Variants in IGSF21 observed in about 807,000 individuals in gnomAD.
IGSF21 encodes immunoglobulin superfamily member 21.
Under a neutral mutation model 46.8 loss-of-function variants are expected in IGSF21, and 28 were observed. The ratio of observed to expected loss-of-function variants is 0.60; its 90% confidence interval spans 0.44 to 0.82. The LOEUF (loss-of-function observed/expected upper bound fraction) is 0.82, where lower values mean the gene tolerates loss of function less well. Ranked by LOEUF, IGSF21 falls within the 40% of genes least tolerant of loss-of-function variation. The pLI, the probability that IGSF21 is intolerant of heterozygous loss-of-function variation, is 0.00. For synonymous variants in IGSF21, 284 were observed against 273.6 expected, an observed-to-expected ratio of 1.04 and a Z score of -0.38; for missense variants, 624 against 665.5, an observed-to-expected ratio of 0.94 and a Z score of 0.69.
At chr1:18,202,136 AT>A in intron 1 of IGSF21, among the ~76,000 whole-genome samples, 1 of 152,278 alleles carries the variant, frequency 6.6e-6, no homozygotes, top group Non-Finnish European at 1.5e-5. Flanking sequence ...AGTACATAAG[AT>A]TTTTATCATG....
At chr1:18,373,826 G>T (rs1055328102) in intron 6 of IGSF21, among the ~76,000 whole-genome samples, 1 of 152,192 alleles carries the variant, frequency 6.6e-6, no homozygotes, top group Non-Finnish European at 1.5e-5. Flanking sequence ...AATGGGTTTC[G>T]TGATAACCTG....
intron 1 of IGSF21, among the ~76,000 whole-genome samples, chr1:18,136,288 T>C (rs2086367121): frequency 6.6e-6 from 1 of 152,190 alleles, no homozygotes; most frequent in Non-Finnish European, 1.5e-5. Context: ...CAATTTTGGC[T>C]TTTGTTGCCA....
chr1:18,117,833 T>G (rs887645095), intron 1 of IGSF21, among the ~76,000 whole-genome samples: 3 of 152,236 alleles, frequency 2.0e-5, no homozygotes, highest in Non-Finnish European at 4.4e-5. Context: ...TTATCTGCAC[T>G]GTCTCCTCTC....
Position 18,365,791 on chromosome 1 carries a change from G to A in IGSF21, c.1015+94G>A. 1 of 1,066,352 alleles carries A rather than the reference G, an allele frequency of 9.4e-7. No individual in the cohort carries two copies. The highest frequency in any genetic ancestry group is 2.7e-5 in the Admixed American group (1 of 37,724). 66.1% of individuals were successfully genotyped at this position (1,066,352 alleles called of 1,614,324 possible). On this transcript the variant is annotated intron_variant, in intron 6 of 9. Transcript: ENST00000251296. This position sits in a 1 kb window ranked among gnomAD's most constrained non-coding sequence, Gnocchi z 4.8. ...GGTTCCTGGGCTGAGGACAGCCATG[G>A]AAAGGGGGAGGAGATGGAGCAAACT... is the stretch of plus-strand genomic sequence containing the variant.
intron 4 of IGSF21, among the ~76,000 whole-genome samples, chr1:18,358,433 C>T (rs2086048108): frequency 6.6e-6 from 1 of 152,192 alleles, no homozygotes; most frequent in Non-Finnish European, 1.5e-5. Flanking sequence ...AAAATTAAGA[C>T]TTCTGTTTTA....
intron 4 of IGSF21, among the ~76,000 whole-genome samples, chr1:18,358,942 A>G (rs959279082): frequency 3.3e-5 from 5 of 152,114 alleles, no homozygotes; most frequent in African/African-American, 4.8e-5. Flanking sequence ...GGTAACTTAC[A>G]TGTGCCATCA....
intron 2 of IGSF21, among the ~76,000 whole-genome samples, chr1:18,264,304 C>T (rs1043473518): frequency 2.6e-5 from 4 of 152,150 alleles, no homozygotes; most frequent in African/African-American, 7.2e-5. Flanking sequence ...GCTTTCTGCC[C>T]GGCCCCCAAC....
rs377335003 is a variant in IGSF21 at position 18,362,344 on chromosome 1, C to G, written c.540+114C>G. 2.1e-4 allele frequency: 155 copies of G among 735,890 alleles called. 1 individual carries two copies. The highest frequency in any genetic ancestry group is 1.6e-3 in the East Asian group (61 of 36,972). 45.6% of individuals were successfully genotyped at this position (735,890 alleles called of 1,614,324 possible). On this transcript the variant is annotated intron_variant, in intron 5 of 9. Coordinates refer to ENST00000251296, the MANE Select transcript of IGSF21 (RefSeq NM_032880.5). ...CTGGAAAGGGAGTGGTTGGCCAGGGCTGACTCTGTCCCCATCTGCCTTGGT... is the reference window on the plus strand; with the variant it reads ...CTGGAAAGGGAGTGGTTGGCCAGGGGTGACTCTGTCCCCATCTGCCTTGGT...
intron 9 of IGSF21, among the ~76,000 whole-genome samples, chr1:18,377,966 C>T (rs1358424589): frequency 6.6e-6 from 1 of 152,218 alleles, no homozygotes; most frequent in Non-Finnish European, 1.5e-5. Flanking sequence ...AGGCCTGCCA[C>T]ACCCCCTCCC....
At chr1:18,316,854 C>G (rs2085547667) in intron 3 of IGSF21, among the ~76,000 whole-genome samples, 1 of 152,190 alleles carries the variant, frequency 6.6e-6, no homozygotes, top group African/African-American at 2.4e-5. Context: ...CTGGTACATA[C>G]CAAGTGCTGT....
intron 1 of IGSF21, among the ~76,000 whole-genome samples, chr1:18,181,034 A>G (rs2086852063): frequency 6.6e-6 from 1 of 152,142 alleles, no homozygotes; most frequent in African/African-American, 2.4e-5. Flanking sequence ...ACAGTCTGTG[A>G]TCCCTGCATC....
chr1:18,115,900 A>AGAAG (rs1456940491), intron 1 of IGSF21: 1 of 84,172 alleles, frequency 1.2e-5, no homozygotes, highest in African/African-American at 3.9e-5. Context: ...AAAGAAAGAA[A>AGAAG]GAAGGAGAGG....
chr1:18,365,708 G>A lies in IGSF21; in HGVS notation c.1015+11G>A, dbSNP rs111313837. The A allele has an allele frequency of 1.2e-5, 19 of 1,601,264 alleles. No individual in the cohort carries two copies. In the African/African-American group the frequency reaches 1.5e-4, roughly 12 times the overall value. On this transcript the variant is annotated intron_variant, in intron 6 of 9. Transcript: ENST00000251296. This position sits in a 1 kb window ranked among gnomAD's most constrained non-coding sequence, Gnocchi z 4.8. ...CAGAGGTCACGCTGGGTAAGACTTG[G>A]TGGGGGCCCTTCTGTAGAGCCCTTG... is the stretch of plus-strand genomic sequence containing the variant.
intron 1 of IGSF21, among the ~76,000 whole-genome samples, chr1:18,182,173 CTTTTTTTTTTT>C (rs35016415): frequency 1.4e-4 from 15 of 108,952 alleles, no homozygotes; most frequent in African/African-American, 3.9e-4. Flanking sequence ...TGAAAGGTGT[CTTTTTTTTTTT>C]TTTTTTTTTT....
intron 1 of IGSF21, among the ~76,000 whole-genome samples, chr1:18,176,579 CAAGGAGT>C (rs2086799825): frequency 6.6e-6 from 1 of 152,266 alleles, no homozygotes; most frequent in Non-Finnish European, 1.5e-5. Context: ...AGCAGTTTTC[CAAGGAGT>C]AAGCCTTTTC....
intron 2 of IGSF21, among the ~76,000 whole-genome samples, chr1:18,250,263 A>G (rs143935081): frequency 1.6e-3 from 236 of 151,914 alleles, no homozygotes; most frequent in Admixed American, 3.1e-3. Context: ...TCAGTTTGGG[A>G]GTTCCTTCAG....
chr1:18,149,032 ATCCCG>A (rs1233190012), intron 1 of IGSF21, among the ~76,000 whole-genome samples: 5 of 152,222 alleles, frequency 3.3e-5, no homozygotes, highest in Non-Finnish European at 7.3e-5. Flanking sequence ...GTCTGGCGGC[ATCCCG>A]GAGACTCTGC....
intron 1 of IGSF21, among the ~76,000 whole-genome samples, chr1:18,125,003 C>T (rs1481283196): frequency 6.6e-6 from 1 of 152,126 alleles, no homozygotes; most frequent in East Asian, 1.9e-4. Flanking sequence ...TCCCCTCCCT[C>T]TCCTTCCCCA....
intron 1 of IGSF21, among the ~76,000 whole-genome samples, chr1:18,181,550 T>C (rs1030919575): frequency 2.0e-5 from 3 of 152,190 alleles, no homozygotes; most frequent in Non-Finnish European, 4.4e-5. Flanking sequence ...CAGCTCCTCC[T>C]TCCCCTTCCT....
Sources: allele counts gnomAD v4.1 joint callset (sites outside exome capture counted in the v4.1 genomes callset), GRCh38; gene constraint gnomAD v4.1.1; non-coding constraint Gnocchi (gnomAD v3.1); transcripts MANE v1.5; gene names NCBI Gene and HGNC (gene_info 2026-07-23, HGNC 2026-07-21).